The following SRRM3 variants were observed in gnomAD, a reference collection of about 807,000 sequenced individuals.
SRRM3 encodes serine/arginine repetitive matrix protein 3.
In SRRM3, 27 loss-of-function variants were observed where a neutral mutation model predicts 66.2. The ratio of observed to expected loss-of-function variants is 0.41; its 90% CI spans 0.30 to 0.56. The LOEUF (loss-of-function observed/expected upper bound fraction) is 0.56, where lower values mean the gene tolerates loss of function less well. Among genes scored for constraint, SRRM3 ranks in the 20% least tolerant of loss-of-function variants. SRRM3 has a pLI of 0.32. For missense variants in SRRM3, 918 were observed against 991.9 expected (o/e 0.93, Z 1.00); for synonymous variants, 391 against 414.9 (o/e 0.94, Z 0.70).
chr7:76,286,071 T>TC lies in SRRM3; in HGVS notation c.*230dup. 1.7e-6 allele frequency: 1 copy of TC among 585,666 alleles called. No individual in the cohort carries two copies. Among genetic ancestry groups the TC allele is most frequent in the Non-Finnish European group, 3.1e-6 (1 of 321,532 alleles). The allele number at this position is 585,666 out of a possible 1,614,324, so 36.3% of individuals were successfully genotyped here. On this transcript the variant is annotated 3_prime_UTR_variant, in exon 15 of 15. Transcript: ENST00000611745. ...TACGGGTGTCCTCTCCCACCTCCTGTCCACCCACTGTGCCCGGGGAACAAA... is the reference window on the plus strand; with the variant it reads ...TACGGGTGTCCTCTCCCACCTCCTGTCCCACCCACTGTGCCCGGGGAACAAA...
chr7:76,219,517 G>A (rs1800659937), intron 1 of SRRM3, among the ~76,000 whole-genome samples: 3 of 152,210 alleles, frequency 2.0e-5, no homozygotes, highest in African/African-American at 7.2e-5. Flanking sequence ...GCCCTGGGCA[G>A]CCTGCTTGGT....
chr7:76,259,957 C>T lies in SRRM3; in HGVS notation c.387C>T (p.Tyr129=). 1 of 1,601,704 alleles carries T rather than the reference C, an allele frequency of 6.2e-7. No homozygotes were observed. Among genetic ancestry groups the T allele is most frequent in the South Asian group, 1.1e-5 (1 of 90,890 alleles). The change falls in exon 4 of 15, where the codon TAC becomes TAT. Residue 129 remains tyrosine, a synonymous_variant. Coordinates refer to ENST00000611745, the MANE Select transcript of SRRM3 (RefSeq NM_001110199.3). ...LTEGAEPGLE[Y]APFDDDDGPV... ...AGGGCGCTGAGCCGGGCCTGGAGTACGCGCCCTTTGACGATGACGACGGCC... is the reference window on the plus strand; with the variant it reads ...AGGGCGCTGAGCCGGGCCTGGAGTATGCGCCCTTTGACGATGACGACGGCC...
At chr7:76,284,191 T>TTTTTTAA (rs1563644254) in intron 14 of SRRM3, among the ~76,000 whole-genome samples, 1 of 150,224 alleles carries the variant, frequency 6.7e-6, no homozygotes, top group African/African-American at 2.5e-5. Flanking sequence ...TTTTTTTTTT[T>TTTTTTAA]AAGACGGAGC....
At chr7:76,220,187 T>C (rs1290495548) in intron 1 of SRRM3, among the ~76,000 whole-genome samples, 1 of 152,196 alleles carries the variant, frequency 6.6e-6, no homozygotes, top group Admixed American at 6.5e-5. Context: ...CAGATGTGGA[T>C]TGGCCCAGTC....
chr7:76,265,831 TATATATATA>T lies in SRRM3; in HGVS notation c.830+364_830+372del, dbSNP rs1802001827. Among the ~76,000 whole-genome samples the T allele has an allele frequency of 4.8e-4, 6 of 12,500 alleles. 2 individuals carry two copies. The highest frequency in any genetic ancestry group is 0.017 in the East Asian group (2 of 116). 8.2% of individuals were successfully genotyped at this position (12,500 alleles called of 152,430 possible). A position where few individuals can be genotyped will look rare whatever the true frequency, so the allele number is the denominator to read the frequency against. ...ATTTTATATATTTAATAAATATTTA[TATATATATA>T]TATATATATATATATATATTTTTTT... On this transcript the variant is annotated intron_variant, in intron 10 of 14. Transcript: ENST00000611745.
intron 8 of SRRM3, 71 bp from the exon 9 acceptor site, chr7:76,264,694 C>T (rs1801964830): frequency 6.5e-7 from 1 of 1,532,640 alleles, no homozygotes; most frequent in Non-Finnish European, 9.0e-7. Flanking sequence ...CCTGAGTATA[C>T]CCAGGCTCCA....
rs557258798 is a variant in SRRM3 at position 76,265,907 on chromosome 7, C to G, written c.830+439C>G. On this transcript the variant is annotated intron_variant, in intron 10 of 14. Coordinates refer to ENST00000611745, the MANE Select transcript of SRRM3 (RefSeq NM_001110199.3). ...TTTTTGAGACGGAGTCTCGCTCTGT[C>G]GCCCAGGCTGGAGTGCAGTGGCGGG... Among the ~76,000 whole-genome samples, 65 of 37,806 alleles carry G rather than the reference C, an allele frequency of 1.7e-3. 3 individuals carry two copies. In the South Asian group the frequency reaches 0.059, roughly 35 times the overall value. The allele number at this position is 37,806 out of a possible 152,430, so 24.8% of individuals were successfully genotyped here. A position where few individuals can be genotyped will look rare whatever the true frequency, so the allele number is the denominator to read the frequency against.
In SRRM3 at chr7:76,281,676, C is replaced by A. The variant is rs1554611924; in HGVS notation, c.1244C>A (p.Pro415His). 1.0e-6 allele frequency: 1 copy of A among 996,694 alleles called. No homozygotes were observed. Among genetic ancestry groups the A allele is most frequent in the Non-Finnish European group, 1.2e-6 (1 of 837,856 alleles). The allele number at this position is 996,694 out of a possible 1,614,324, so 61.7% of individuals were successfully genotyped here. A position where few individuals can be genotyped will look rare whatever the true frequency, so the allele number is the denominator to read the frequency against. The part of the protein sequence containing the change: ...RRGRRRPRPA[P>H]PRGSSRSLSR... Reference sequence around the variant, plus strand: ...GGTCGCCGGCGCCCCCGGCCCGCGCCCCCCCGGGGCTCGTCGCGCTCGCTC... The same window carrying A: ...GGTCGCCGGCGCCCCCGGCCCGCGCACCCCCGGGGCTCGTCGCGCTCGCTC... The change falls in exon 12 of 15, where the codon CCC becomes CAC. Residue 415 changes from proline to histidine, a missense_variant. Transcript: ENST00000611745.
At chr7:76,254,203 A>G (rs1394171517) in intron 3 of SRRM3, among the ~76,000 whole-genome samples, 8 of 145,796 alleles carry the variant, frequency 5.5e-5, no homozygotes, top group Non-Finnish European at 1.1e-4. Context: ...TTTTTTTTGT[A>G]CAGACGGGGG....
intron 11 of SRRM3, among the ~76,000 whole-genome samples, chr7:76,279,484 A>T (rs1802442031): frequency 6.7e-6 from 1 of 150,326 alleles, no homozygotes; most frequent in Non-Finnish European, 1.5e-5. Context: ...GGAGGAACAG[A>T]CCTACAAACA....
At chr7:76,265,831 TATA>T (rs1802001652) in intron 10 of SRRM3, among the ~76,000 whole-genome samples, 2 of 12,494 alleles carry the variant, frequency 1.6e-4, no homozygotes, top group South Asian at 3.7e-3. Context: ...TAAATATTTA[TATA>T]TATATATATA....
chr7:76,262,811 A>T (rs1801915004), intron 8 of SRRM3, among the ~76,000 whole-genome samples: 1 of 147,890 alleles, frequency 6.8e-6, no homozygotes, highest in Admixed American at 6.8e-5. Context: ...GCAAGACTCC[A>T]TCTCAAAAAA....
chr7:76,265,514 G>T, intron 10 of SRRM3, 46 bp downstream of exon 10: 1 of 1,506,258 alleles, frequency 6.6e-7, no homozygotes, highest in South Asian at 1.2e-5. Context: ...GGGGATGAGG[G>T]TTGCAGATTA....
Position 76,267,304 on chromosome 7 carries a change from C to G in SRRM3, c.877C>G (p.Arg293Gly), listed in dbSNP as rs781927585. The G allele has an allele frequency of 5.9e-5, 91 of 1,552,944 alleles. No individual in the cohort carries two copies. Among genetic ancestry groups the G allele is most frequent in the Non-Finnish European group, 7.7e-5 (89 of 1,155,728 alleles). ...CGAAGGGCGAAAGACGGGCAGCCAG[C>G]GGTCCAGCGGAAGCCGGTCGCCTTC... ...RDEGRKTGSQ[R>G]SSGSRSPSPS... The change falls in exon 11 of 15, where the codon CGG becomes GGG. Residue 293 changes from arginine (R) to glycine (G), a missense_variant. By Grantham distance (125) the Arg-to-Gly change is moderately radical. Coordinates refer to ENST00000611745, the MANE Select transcript of SRRM3 (RefSeq NM_001110199.3).
intron 2 of SRRM3, among the ~76,000 whole-genome samples, chr7:76,237,224 A>G (rs78429212): frequency 0.074 from 11,197 of 152,178 alleles, 953 homozygotes; most frequent in African/African-American, 0.2. Flanking sequence ...TGGCAAACAC[A>G]GTGAAACCCC....
At chr7:76,255,494 T>C (rs1801692942) in intron 3 of SRRM3, among the ~76,000 whole-genome samples, 1 of 152,050 alleles carries the variant, frequency 6.6e-6, no homozygotes, top group Non-Finnish European at 1.5e-5. Context: ...CAAGCTGGAG[T>C]GCAGTGGCAT....
At chr7:76,263,827 T>A (rs1249967983) in intron 8 of SRRM3, among the ~76,000 whole-genome samples, 3 of 136,372 alleles carry the variant, frequency 2.2e-5, no homozygotes, top group African/African-American at 8.5e-5. Context: ...GAGCTGAGAT[T>A]GTGCCACTGC....
chr7:76,282,543 C>T, intron 12 of SRRM3, 105 bp from the exon 13 acceptor site: 3 of 597,538 alleles, frequency 5.0e-6, no homozygotes, highest in Middle Eastern at 5.0e-4. Flanking sequence ...ACAAACTACA[C>T]GGACCCCGCC....
intron 10 of SRRM3, among the ~76,000 whole-genome samples, chr7:76,265,828 T>TTATATATATA (rs1167434051): frequency 7.8e-5 from 2 of 25,586 alleles, no homozygotes; most frequent in Non-Finnish European, 1.0e-4. Flanking sequence ...TAATAAATAT[T>TTATATATATA]TATATATATA....
Sources: allele counts gnomAD v4.1 joint callset (sites outside exome capture counted in the v4.1 genomes callset), GRCh38; gene constraint gnomAD v4.1.1; transcripts MANE v1.5; gene names NCBI Gene and HGNC (gene_info 2026-07-23, HGNC 2026-07-21).